EYS: variants seen among roughly 807,000 people sequenced by gnomAD.
EYS encodes the protein EGF-like photoreceptor maintenance factor, also known as protein eyes shut homolog.
A neutral mutation model predicts 282.1 loss-of-function variants in EYS; 250 were observed. That is an observed-to-expected ratio of 0.89 (90% CI 0.80 to 0.98). The LOEUF is 0.98. Ranked by LOEUF, EYS falls within the 50% of genes least tolerant of loss-of-function variation. The pLI is 0.00. For synonymous variants in EYS, 1,355 were observed against 1,282.9 expected (o/e 1.06, Z -1.20); for missense variants, 4,016 against 3,709.0 (o/e 1.08, Z -2.15).
intron 30 of EYS, among the ~76,000 whole-genome samples, chr6:64,288,677 A>G (rs946584495): frequency 2.0e-5 from 3 of 152,048 alleles, no homozygotes; most frequent in Non-Finnish European, 4.4e-5. Context: ...ACATGATTGC[A>G]TTTTTAAATA....
intron 19 of EYS, among the ~76,000 whole-genome samples, chr6:64,877,159 A>C (rs1766773669): frequency 6.6e-6 from 1 of 152,180 alleles, no homozygotes; most frequent in African/African-American, 2.4e-5. Flanking sequence ...GATGGACTGC[A>C]TGGAGATGTG....
chr6:65,546,345 T>C lies in EYS; in HGVS notation c.-332-50352A>G, dbSNP rs562988900. ...AATTTTTTTTTTTTTAATTCTAGGTTTTATATCTGGTCATTAATTACATTG... is the reference window on the plus strand; with the variant it reads ...AATTTTTTTTTTTTTAATTCTAGGTCTTATATCTGGTCATTAATTACATTG... On this transcript the variant is annotated intron_variant, in intron 2 of 42. Transcript: ENST00000503581. 4.3e-3 allele frequency among the ~76,000 whole-genome samples: 652 copies of C among 152,044 alleles called. 11 individuals carry two copies. Among genetic ancestry groups the C allele is most frequent in the South Asian group, 0.016 (77 of 4,820 alleles).
intron 35 of EYS, among the ~76,000 whole-genome samples, chr6:63,947,001 A>G (rs144007763): frequency 6.6e-6 from 1 of 152,050 alleles, no homozygotes; most frequent in Non-Finnish European, 1.5e-5. Flanking sequence ...AATTTAAAAG[A>G]TATCTGTGGT....
chr6:65,678,157 A>C (rs918494220), intron 1 of EYS, among the ~76,000 whole-genome samples: 1 of 151,958 alleles, frequency 6.6e-6, no homozygotes, highest in Non-Finnish European at 1.5e-5. Flanking sequence ...GTGGGGTACC[A>C]CGCTCTTTTA....
intron 36 of EYS, among the ~76,000 whole-genome samples, chr6:63,812,654 G>A (rs911353360): frequency 2.0e-5 from 3 of 151,868 alleles, no homozygotes; most frequent in African/African-American, 7.3e-5. Flanking sequence ...TAGTGTTAAG[G>A]ACATAGTAAT....
intron 29 of EYS, among the ~76,000 whole-genome samples, chr6:64,316,749 T>G (rs1458560638): frequency 3.3e-5 from 5 of 152,172 alleles, no homozygotes; most frequent in South Asian, 2.1e-4. Context: ...AGATCCCACA[T>G]AGCCTAGACA....
chr6:65,034,665 T>C (rs569185949), intron 13 of EYS, among the ~76,000 whole-genome samples: 1 of 152,270 alleles, frequency 6.6e-6, no homozygotes, highest in South Asian at 2.1e-4. Context: ...CCTTAGAAGC[T>C]GAGCAGGTGC....
intron 7 of EYS, among the ~76,000 whole-genome samples, chr6:65,387,577 AT>A (rs1193116556): frequency 6.6e-6 from 1 of 151,920 alleles, no homozygotes; most frequent in Non-Finnish European, 1.5e-5. Context: ...TAGAAAAAAT[AT>A]TTTTTAAAGA....
chr6:64,810,716 C>G (rs956169515), intron 22 of EYS, among the ~76,000 whole-genome samples: 1 of 151,894 alleles, frequency 6.6e-6, no homozygotes, highest in Non-Finnish European at 1.5e-5. Context: ...AATAGTTTTC[C>G]TTGCAAGTAA....
In EYS at chr6:64,027,831, G is replaced by A. The variant is rs548842777; in HGVS notation, c.6726-28648C>T. 2.5e-3 allele frequency among the ~76,000 whole-genome samples: 387 copies of A among 152,302 alleles called. 2 individuals carry two copies. Among genetic ancestry groups the A allele is most frequent in the African/African-American group, 8.9e-3 (371 of 41,560 alleles). On this transcript the variant is annotated intron_variant, in intron 33 of 42. Coordinates refer to ENST00000503581, the MANE Select transcript of EYS (RefSeq NM_001142800.2). ...ACAGGATTGAGGGTGCCTGGGGCAA[G>A]CGCCAGCTCATGTCATCACCCTCAC...
chr6:64,690,657 G>A (rs573100579), intron 22 of EYS, among the ~76,000 whole-genome samples: 1 of 152,096 alleles, frequency 6.6e-6, no homozygotes, highest in South Asian at 2.1e-4. Context: ...GCCATAAAAA[G>A]GATGAGTTTA....
chr6:64,448,476 A>C (rs1390047979), intron 26 of EYS, among the ~76,000 whole-genome samples: 3 of 152,182 alleles, frequency 2.0e-5, no homozygotes, highest in Non-Finnish European at 4.4e-5. Flanking sequence ...TGCAGACTTA[A>C]ATGTCCCTGT....
At chr6:63,804,115 C>T (rs1770844813) in intron 37 of EYS, among the ~76,000 whole-genome samples, 1 of 152,136 alleles carries the variant, frequency 6.6e-6, no homozygotes, top group South Asian at 2.1e-4. Context: ...CTCCTGGGTT[C>T]AAGCGATTCT....
intron 36 of EYS, among the ~76,000 whole-genome samples, chr6:63,839,154 AC>A (rs1771884263): frequency 6.6e-6 from 1 of 152,182 alleles, no homozygotes; most frequent in African/African-American, 2.4e-5. Flanking sequence ...GAATGCTAGA[AC>A]TTTTCTCTGC....
chr6:64,084,568 C>A (rs980979794), intron 31 of EYS, among the ~76,000 whole-genome samples: 4 of 152,036 alleles, frequency 2.6e-5, no homozygotes, highest in Non-Finnish European at 4.4e-5. Flanking sequence ...ATCAAGGCAC[C>A]CATTGAAGTT....
intron 30 of EYS, among the ~76,000 whole-genome samples, chr6:64,288,630 CCTCT>C (rs1768584582): frequency 6.6e-6 from 1 of 152,118 alleles, no homozygotes; most frequent in Non-Finnish European, 1.5e-5. Flanking sequence ...AGCTCTCTGT[CCTCT>C]CTACTTTATT....
chr6:65,239,454 T>A lies in EYS; in HGVS notation c.2023+56409A>T, dbSNP rs991274447. Among the ~76,000 whole-genome samples, 8 of 152,092 alleles carry A rather than the reference T, an allele frequency of 5.3e-5. No individual in the cohort carries two copies. In the East Asian group the frequency reaches 1.5e-3, roughly 29 times the overall value. The stretch of plus-strand genomic sequence containing the variant: ...ATCTGAAAGTATAAACTTTGCTAAA[T>A]ACATAATGTAAATTTTCATATATTT... On this transcript the variant is annotated intron_variant, in intron 12 of 42. Coordinates refer to ENST00000503581, the MANE Select transcript of EYS (RefSeq NM_001142800.2).
chr6:64,122,595 C>T (rs1034065347), intron 31 of EYS, among the ~76,000 whole-genome samples: 1 of 152,110 alleles, frequency 6.6e-6, no homozygotes, highest in African/African-American at 2.4e-5. Context: ...TAAGATGCTT[C>T]ACCAATCTGA....
chr6:64,317,138 A>G (rs1305074677), intron 29 of EYS, among the ~76,000 whole-genome samples: 1 of 152,170 alleles, frequency 6.6e-6, no homozygotes. Flanking sequence ...AATACCATTC[A>G]GGACATAGGC....
Sources: allele counts gnomAD v4.1 joint callset (sites outside exome capture counted in the v4.1 genomes callset), GRCh38; gene constraint gnomAD v4.1.1; transcripts MANE v1.5; gene names NCBI Gene and HGNC (gene_info 2026-07-23, HGNC 2026-07-21).